Variants in CASD1 observed in about 807,000 individuals in gnomAD.
The protein encoded by CASD1 is N-acetylneuraminate (7)9-O-acetyltransferase.
A neutral mutation model predicts 100.0 loss-of-function variants in CASD1; 41 were observed. That is an observed-to-expected ratio of 0.41 (90% confidence interval 0.32 to 0.53). The LOEUF (loss-of-function observed/expected upper bound fraction) is 0.53. Ranked by LOEUF, CASD1 falls within the 20% of genes least tolerant of loss-of-function variation. The pLI, the probability that CASD1 is intolerant of heterozygous loss-of-function variation, is 0.25. For synonymous variants in CASD1, 321 were observed against 315.6 expected (o/e 1.02, Z -0.18); for missense variants, 774 against 948.7 (o/e 0.82, Z 2.42).
At chr7:94,573,992 G>T in the CASD1 span, among the ~76,000 whole-genome samples, 1 of 152,068 alleles carries the variant, frequency 6.6e-6, no homozygotes, top group African/African-American at 2.4e-5. Flanking sequence ...ATAACCATAT[G>T]GTTTTTGTCT....
the CASD1 span, chr7:94,587,810 C>A: frequency 6.5e-7 from 1 of 1,544,926 alleles, no homozygotes; most frequent in South Asian, 1.2e-5. Flanking sequence ...AAACGAAAAT[C>A]TCCTTAAATT....
the CASD1 span, among the ~76,000 whole-genome samples, chr7:94,579,218 T>TA: frequency 0.22 from 29,759 of 135,930 alleles, 3,875 homozygotes; most frequent in African/African-American, 0.38. Context: ...TTTTAAATGT[T>TA]AAAAAAAAAA....
the CASD1 span, among the ~76,000 whole-genome samples, chr7:94,575,532 G>T: frequency 1.3e-5 from 2 of 152,094 alleles, no homozygotes; most frequent in Admixed American, 6.5e-5. Flanking sequence ...TTTTTGGGTG[G>T]AGAGTTCTGT....
chr7:94,631,101 T>C, the CASD1 span, among the ~76,000 whole-genome samples: 2 of 151,928 alleles, frequency 1.3e-5, no homozygotes, highest in African/African-American at 4.8e-5. Context: ...CTACAAGTTA[T>C]GTTTAAACTA....
the CASD1 span, among the ~76,000 whole-genome samples, chr7:94,569,166 T>C: frequency 3.3e-5 from 5 of 152,166 alleles, no homozygotes; most frequent in South Asian, 8.3e-4. Flanking sequence ...AGTCTAGATA[T>C]ACATATTAAA....
At chr7:94,554,449 A>G in intron 16 of CASD1, 34 bp from the exon 17 acceptor site, 1 of 1,324,504 alleles carries the variant, frequency 7.5e-7, no homozygotes, top group Non-Finnish European at 1.1e-6. Flanking sequence ...CAATAAAGAG[A>G]TTATTAATAT....
At chr7:94,585,451 G>C in the CASD1 span, 1 of 1,552,660 alleles carries the variant, frequency 6.4e-7, no homozygotes, top group Non-Finnish European at 8.9e-7. Flanking sequence ...TGATGTAACT[G>C]CTATATTGTC....
chr7:94,522,868 A>G (rs932188862), intron 3 of CASD1, among the ~76,000 whole-genome samples: 9 of 152,130 alleles, frequency 5.9e-5, no homozygotes, highest in African/African-American at 2.2e-4. Flanking sequence ...TCACCGTGTT[A>G]GCCAGGATGG....
At chr7:94,584,706 C>T in the CASD1 span, among the ~76,000 whole-genome samples, 2 of 152,140 alleles carry the variant, frequency 1.3e-5, no homozygotes, top group Non-Finnish European at 2.9e-5. Flanking sequence ...CACACTGATC[C>T]AGTAGTATCC....
the CASD1 span, among the ~76,000 whole-genome samples, chr7:94,595,043 A>G: frequency 2.6e-5 from 4 of 152,118 alleles, no homozygotes; most frequent in Non-Finnish European, 5.9e-5. Context: ...CCCTGCCTAG[A>G]TATCAGGATA....
intron 16 of CASD1, among the ~76,000 whole-genome samples, chr7:94,552,716 C>G (rs1322900778): frequency 1.3e-5 from 2 of 152,186 alleles, no homozygotes; most frequent in African/African-American, 2.4e-5. Flanking sequence ...GCCAGTGGAT[C>G]ACCTGAGGTT....
chr7:94,619,153 T>G, the CASD1 span: 4 of 574,350 alleles, frequency 7.0e-6, no homozygotes, highest in Non-Finnish European at 1.2e-5. Context: ...CAGAACTTTA[T>G]CTACAATATA....
chr7:94,567,608 A>T, the CASD1 span, among the ~76,000 whole-genome samples: 2 of 152,166 alleles, frequency 1.3e-5, no homozygotes, highest in African/African-American at 4.8e-5. Flanking sequence ...CATCTTTAAA[A>T]TACCAGGGAA....
chr7:94,510,232 C>T lies in CASD1; in HGVS notation c.133+15C>T, dbSNP rs1793620278. On this transcript the variant is annotated intron_variant, in intron 1 of 17. Transcript: ENST00000297273. ...CCGCTACCGAGGTGAGCGGGCCCTC[C>T]CCTCTGCCCGGGCAGGCCGTGGGGG... 1.4e-5 allele frequency: 20 copies of T among 1,470,520 alleles called. No individual in the cohort carries two copies. Among genetic ancestry groups the T allele is most frequent in the Admixed American group, 2.3e-5 (1 of 43,622 alleles). The allele number at this position is 1,470,520 out of a possible 1,614,324, so 91.1% of individuals were successfully genotyped here. A position where few individuals can be genotyped will look rare whatever the true frequency, so the allele number is the denominator to read the frequency against.
At chr7:94,575,255 T>A in the CASD1 span, among the ~76,000 whole-genome samples, 1 of 152,178 alleles carries the variant, frequency 6.6e-6, no homozygotes, top group Non-Finnish European at 1.5e-5. Flanking sequence ...TATCTTTGTT[T>A]TAATTATTTT....
At chr7:94,547,259 C>A in intron 13 of CASD1, 84 bp downstream of exon 13, 1 of 953,624 alleles carries the variant, frequency 1.0e-6, no homozygotes, top group Non-Finnish European at 1.5e-6. Context: ...AGAGTCAGAG[C>A]TTTTTTTTAG....
At chr7:94,554,288 T>C in intron 16 of CASD1, 195 bp from the exon 17 acceptor site, 1 of 462,826 alleles carries the variant, frequency 2.2e-6, no homozygotes, top group Admixed American at 3.5e-5. Flanking sequence ...ATACCGACCA[T>C]GTGTTGAGAA....
chr7:94,555,871 C>A lies in CASD1; in HGVS notation c.*113C>A. On this transcript the variant is annotated 3_prime_UTR_variant, in exon 18 of 18. Coordinates refer to ENST00000297273, the MANE Select transcript of CASD1 (RefSeq NM_022900.5). Reference sequence around the variant, plus strand: ...TGTATGTAAATATAAACGTTTGTGGCAAGAGGACAGTTCTGTGACATCTGT... The same window carrying A: ...TGTATGTAAATATAAACGTTTGTGGAAAGAGGACAGTTCTGTGACATCTGT... 3.6e-6 allele frequency: 4 copies of A among 1,096,032 alleles called. No individual in the cohort carries two copies. The highest frequency in any genetic ancestry group is 5.2e-6 in the Non-Finnish European group (4 of 771,976). 67.9% of individuals were successfully genotyped at this position (1,096,032 alleles called of 1,614,324 possible).
At chr7:94,538,679 T>A (rs948768932) in intron 9 of CASD1, among the ~76,000 whole-genome samples, 1 of 152,272 alleles carries the variant, frequency 6.6e-6, no homozygotes, top group South Asian at 2.1e-4. Flanking sequence ...TTTTAGTACA[T>A]TTAATTTTAA....
Sources: allele counts gnomAD v4.1 joint callset (sites outside exome capture counted in the v4.1 genomes callset), GRCh38; gene constraint gnomAD v4.1.1; transcripts MANE v1.5; gene names NCBI Gene and HGNC (gene_info 2026-07-23, HGNC 2026-07-21).